Variants in CELF2 observed in about 807,000 individuals in gnomAD.
CELF2 encodes CUGBP Elav-like family member 2.
CELF2 carries 8 observed loss-of-function variants against 62.6 expected under a neutral mutation model. That is an observed-to-expected ratio of 0.13 (90% CI 0.07 to 0.23). The LOEUF is 0.23. Ranked by LOEUF, CELF2 falls within the 10% of genes least tolerant of loss-of-function variation. The probability of loss-of-function intolerance (pLI) is 1.00; values close to 1 mark genes in which losing one functional copy is unlikely to be tolerated. For missense variants in CELF2, 333 were observed against 671.0 expected (o/e 0.50, Z 5.56); for synonymous variants, 258 against 250.0 (o/e 1.03, Z -0.30).
the CELF2 span, among the ~76,000 whole-genome samples, chr10:10,642,566 C>T: frequency 6.6e-6 from 1 of 152,224 alleles, no homozygotes; most frequent in Non-Finnish European, 1.5e-5. Context: ...AACAGAAAAT[C>T]TCTAAGAAGA....
At chr10:10,584,655 G>A in the CELF2 span, among the ~76,000 whole-genome samples, 84 of 152,254 alleles carry the variant, frequency 5.5e-4, no homozygotes, top group African/African-American at 2.0e-3. Context: ...AATCACTTGT[G>A]GAGCTTACTA....
chr10:11,118,324 G>A (rs1439553064), intron 1 of CELF2, among the ~76,000 whole-genome samples: 1 of 151,972 alleles, frequency 6.6e-6, no homozygotes, highest in African/African-American at 2.4e-5. Context: ...TTCCTCTTAA[G>A]TGGCATGCTG....
the CELF2 span, among the ~76,000 whole-genome samples, chr10:10,589,711 A>T: frequency 1.1e-4 from 16 of 152,196 alleles, no homozygotes; most frequent in Non-Finnish European, 2.2e-4. Flanking sequence ...AAAAGACGTG[A>T]GTCACTGTCT....
chr10:10,848,476 T>C (rs2059154230), intron 1 of CELF2, among the ~76,000 whole-genome samples: 1 of 152,190 alleles, frequency 6.6e-6, no homozygotes, highest in Non-Finnish European at 1.5e-5. Context: ...GACCGCTTCT[T>C]GGGAAATTAA....
chr10:11,182,746 C>A (rs1461253802), intron 2 of CELF2, among the ~76,000 whole-genome samples: 4 of 152,212 alleles, frequency 2.6e-5, no homozygotes, highest in African/African-American at 9.7e-5. Context: ...AAACCAAACA[C>A]ATTATCTGCT....
At chr10:11,148,874 A>ACACACACACACACACAC (rs57055138) in intron 1 of CELF2, among the ~76,000 whole-genome samples, 8 of 150,456 alleles carry the variant, frequency 5.3e-5, no homozygotes, top group South Asian at 4.3e-4. Flanking sequence ...ACACACACAC[A>ACACACACACACACACAC]AAGCAAGCCC....
the CELF2 span, among the ~76,000 whole-genome samples, chr10:10,545,053 C>T: frequency 2.0e-5 from 3 of 152,254 alleles, no homozygotes; most frequent in East Asian, 5.8e-4. Context: ...TTTCTGTTTC[C>T]CTTTGATACA....
chr10:10,880,979 T>A (rs144617365), intron 1 of CELF2, among the ~76,000 whole-genome samples: 1 of 152,316 alleles, frequency 6.6e-6, no homozygotes, highest in African/African-American at 2.4e-5. Flanking sequence ...CTTAGTGTGT[T>A]CCATTTTTCT....
chr10:11,106,911 G>A (rs186051146), intron 1 of CELF2, among the ~76,000 whole-genome samples: 1 of 152,334 alleles, frequency 6.6e-6, no homozygotes, highest in East Asian at 1.9e-4. Context: ...CTGCAGAAAG[G>A]CTGCTGGGGC....
At chr10:10,937,819 G>C (rs1431932688) in intron 2 of CELF2, among the ~76,000 whole-genome samples, 2 of 152,124 alleles carry the variant, frequency 1.3e-5, no homozygotes. Context: ...AGTCTAGATA[G>C]CATGATAGTG....
the CELF2 span, among the ~76,000 whole-genome samples, chr10:10,608,036 GTGA>G: frequency 6.6e-6 from 1 of 152,182 alleles, no homozygotes; most frequent in Non-Finnish European, 1.5e-5. Context: ...GCTAAGGCAG[GTGA>G]ATCACTTGAA....
intron 2 of CELF2, among the ~76,000 whole-genome samples, chr10:10,945,221 A>G (rs1349089885): frequency 6.6e-6 from 1 of 152,148 alleles, no homozygotes; most frequent in Admixed American, 6.5e-5. Context: ...GCAGGGGGAC[A>G]AGGTTGTTTG....
the CELF2 span, among the ~76,000 whole-genome samples, chr10:10,549,128 G>T: frequency 6.6e-6 from 1 of 152,170 alleles, no homozygotes; most frequent in Non-Finnish European, 1.5e-5. Context: ...AGAGACAAGG[G>T]TAGCTAGAGA....
chr10:10,776,096 C>T, the CELF2 span: 1 of 152,584 alleles, frequency 6.6e-6, no homozygotes, highest in South Asian at 2.1e-4. Flanking sequence ...AGCAATCAGC[C>T]CTCCAACGTA....
the CELF2 span, among the ~76,000 whole-genome samples, chr10:10,485,084 A>G: frequency 6.6e-6 from 1 of 152,088 alleles, no homozygotes; most frequent in African/African-American, 2.4e-5. Context: ...ATTTTTTTAC[A>G]TGATCTGCCA....
chr10:11,120,657 C>T (rs1172482511), intron 1 of CELF2, among the ~76,000 whole-genome samples: 1 of 152,166 alleles, frequency 6.6e-6, no homozygotes, highest in African/African-American at 2.4e-5. Context: ...ACTGTGAAAC[C>T]CTGAAAGAGC....
chr10:11,280,989 C>CGTGTGTGCGT lies in CELF2; in HGVS notation c.841+5876_841+5877insCGTGTGTGTG, dbSNP rs1555055102. ...TGGCGTGCGTGTGCATGCCTGTGTG[C>CGTGTGTGCGT]GTGTGTGTGTGTGTGTGTGTGTGTG... On this transcript the variant is annotated intron_variant, in intron 8 of 12. Coordinates refer to ENST00000633077, the MANE Select transcript of CELF2 (RefSeq NM_001326342.2). The surrounding 1 kb of genome is among the most constrained non-coding windows in gnomAD (Gnocchi z 7.6). Among the ~76,000 whole-genome samples, 6 of 144,400 alleles carry CGTGTGTGCGT rather than the reference C, an allele frequency of 4.2e-5. No homozygotes were observed. Among genetic ancestry groups the CGTGTGTGCGT allele is most frequent in the African/African-American group, 1.5e-4 (6 of 38,838 alleles). 94.7% of individuals were successfully genotyped at this position (144,400 alleles called of 152,430 possible).
upstream of CELF2, chr10:10,794,882 A>G (rs2054050954): frequency 6.6e-6 from 1 of 152,178 alleles, no homozygotes; most frequent in African/African-American, 2.4e-5. Flanking sequence ...CTGACCTTCT[A>G]TATCCGCATT....
chr10:10,512,828 G>T, the CELF2 span, among the ~76,000 whole-genome samples: 44 of 152,120 alleles, frequency 2.9e-4, no homozygotes, highest in Non-Finnish European at 1.9e-4. Context: ...ATTTCGTTTG[G>T]CATCAGAAGA....
Sources: gnomAD v4.1 joint callset for allele counts (sites outside exome capture counted in the v4.1 genomes callset) on GRCh38, gnomAD v4.1.1 for gene constraint, Gnocchi (gnomAD v3.1) non-coding constraint, MANE v1.5 for transcripts, NCBI Gene and HGNC (gene_info 2026-07-23, HGNC 2026-07-21) for gene names.